Variants in ZMYND11 observed in about 807,000 individuals in gnomAD.
The protein encoded by ZMYND11 is zinc finger MYND-type containing 11.
ZMYND11 carries 9 observed loss-of-function variants against 84.9 expected under a neutral mutation model. The ratio of observed to expected loss-of-function variants is 0.11; its 90% CI spans 0.06 to 0.18. The LOEUF is 0.18. ZMYND11 is among the 10% of genes least tolerant of loss of function. ZMYND11 has a pLI of 1.00. For missense variants in ZMYND11, 409 were observed against 761.0 expected, an observed-to-expected ratio of 0.54 and a Z score of 5.44; for synonymous variants, 250 against 244.1, an observed-to-expected ratio of 1.02 and a Z score of -0.23.
chr10:206,138 T>A (rs1458146098), intron 2 of ZMYND11, among the ~76,000 whole-genome samples: 1 of 151,866 alleles, frequency 6.6e-6, no homozygotes, highest in Non-Finnish European at 1.5e-5. Flanking sequence ...GGCGGGTGGA[T>A]CACCTGAGGT....
At chr10:249,265 C>T (rs1024148820) in intron 14 of ZMYND11, 177 bp downstream of exon 14, 1 of 1,442,700 alleles carries the variant, frequency 6.9e-7, no homozygotes, top group African/African-American at 1.4e-5. Context: ...CTCTCAACCC[C>T]AGATCCCATA....
chr10:137,089 C>A (rs1554752465), intron 1 of ZMYND11, among the ~76,000 whole-genome samples: 1 of 151,918 alleles, frequency 6.6e-6, no homozygotes, highest in East Asian at 1.9e-4. Context: ...TATATGGTAC[C>A]CAATGTCATA....
At chr10:135,166 C>G (rs1424130972), upstream of ZMYND11, 2 of 150,698 alleles carry the variant, frequency 1.3e-5, no homozygotes, top group African/African-American at 2.4e-5. This position sits in a 1 kb window ranked among gnomAD's most constrained non-coding sequence, Gnocchi z 5.6. Flanking sequence ...GCCGCCCGCT[C>G]CGGCCCCGCA....
intron 4 of ZMYND11, among the ~76,000 whole-genome samples, chr10:228,038 G>A (rs1948423058): frequency 6.6e-6 from 1 of 152,140 alleles, no homozygotes; most frequent in South Asian, 2.1e-4. Flanking sequence ...GAAAGATTGT[G>A]TCTGAGCCAC....
intron 14 of ZMYND11, among the ~76,000 whole-genome samples, chr10:250,782 A>G (rs1167491870): frequency 6.6e-6 from 1 of 152,180 alleles, no homozygotes; most frequent in East Asian, 1.9e-4. Flanking sequence ...CACACCTGTA[A>G]TTCCAGCACT....
At chr10:147,343 G>A (rs540698050) in intron 1 of ZMYND11, among the ~76,000 whole-genome samples, 23 of 152,178 alleles carry the variant, frequency 1.5e-4, no homozygotes, top group African/African-American at 4.6e-4. Flanking sequence ...TAGGGGGAAT[G>A]CTTTCAACTT....
chr10:178,063 A>T (rs1847052793), intron 1 of ZMYND11, among the ~76,000 whole-genome samples: 1 of 152,140 alleles, frequency 6.6e-6, no homozygotes, highest in Non-Finnish European at 1.5e-5. Flanking sequence ...TTTCCTACAT[A>T]TTTACCATTT....
chr10:147,094 T>C (rs1189942652), intron 1 of ZMYND11, among the ~76,000 whole-genome samples: 3 of 152,270 alleles, frequency 2.0e-5, no homozygotes, highest in Non-Finnish European at 4.4e-5. Context: ...TTGTGTACAT[T>C]GATTCTGTAG....
chr10:236,990 T>A, intron 5 of ZMYND11, 75 bp downstream of exon 5: 2 of 1,406,786 alleles, frequency 1.4e-6, no homozygotes, highest in Non-Finnish European at 2.0e-6. Context: ...CAAAGTTGAA[T>A]GATCGAGAAG....
Position 237,630 on chromosome 10 carries a change from T to C in ZMYND11, c.562T>C (p.Tyr188His). Residue 188 changes from tyrosine to histidine, a missense_variant, in exon 6 of 15, where the codon TAC (tyrosine) becomes CAC (histidine). Physicochemically the swap from Tyr to His is moderately conservative, Grantham distance 83. Coordinates refer to ENST00000381604, the MANE Select transcript of ZMYND11 (RefSeq NM_001370100.5). ...GGGGAAGGACAATAAACACCCGATG[T>C]ACAGGAGGCTGGTGCACTCAGCTGT... ...KKGKDNKHPM[Y>H]RRLVHSAVDV... The C allele has an allele frequency of 6.2e-7, 1 of 1,613,806 alleles. No individual in the cohort carries two copies.
chr10:180,294 C>T (rs577200941), intron 2 of ZMYND11, among the ~76,000 whole-genome samples, 166 bp downstream of exon 2: 2 of 152,284 alleles, frequency 1.3e-5, no homozygotes, highest in South Asian at 4.1e-4. Flanking sequence ...CAGAAACATA[C>T]ACAAACAACT....
chr10:146,279 C>T (rs1167121610), intron 1 of ZMYND11, among the ~76,000 whole-genome samples: 1 of 152,068 alleles, frequency 6.6e-6, no homozygotes, highest in Non-Finnish European at 1.5e-5. Flanking sequence ...CTTACTATAG[C>T]CTTGTAGTAT....
intron 1 of ZMYND11, among the ~76,000 whole-genome samples, chr10:173,033 C>T (rs1220559065): frequency 1.4e-5 from 2 of 146,608 alleles, no homozygotes; most frequent in African/African-American, 2.5e-5. Flanking sequence ...CATCCACTTT[C>T]AGAAAAAAAA....
intron 1 of ZMYND11, among the ~76,000 whole-genome samples, chr10:151,135 C>T (rs1554756894): frequency 2.0e-5 from 3 of 152,134 alleles, no homozygotes; most frequent in Admixed American, 6.5e-5. Context: ...AGCAGAAAAG[C>T]TCAAAATTCT....
At position 139,646 on chromosome 10, in the gene ZMYND11, C is replaced by T. The variant is rs187781133; in HGVS notation, c.-20+4087C>T. Among the ~76,000 whole-genome samples the T allele has an allele frequency of 1.6e-4, 24 of 150,764 alleles. No homozygotes were observed. The East Asian group carries it at 4.7e-3, about 29-fold the overall frequency. On this transcript the variant is annotated intron_variant, in intron 1 of 14. Transcript: ENST00000381604. ...CATGTATTGTCTGTCTACTGTATAT[C>T]AGCCACTGTGCAAAGTTACTTACAC... is the stretch of plus-strand genomic sequence containing the variant.
At chr10:237,004 C>G in intron 5 of ZMYND11, 89 bp downstream of exon 5, 29 of 1,221,760 alleles carry the variant, frequency 2.4e-5, no homozygotes, top group Non-Finnish European at 3.2e-5. Context: ...CGAGAAGTAA[C>G]AAATATGTAC....
At chr10:240,206 C>CAA (rs1950638888) in intron 8 of ZMYND11, 95 bp downstream of exon 8, 1 of 1,129,758 alleles carries the variant, frequency 8.9e-7, no homozygotes, top group Non-Finnish European at 1.2e-6. Flanking sequence ...TGTGCCATTT[C>CAA]CTTTAAATGT....
At chr10:241,549 T>TA (rs1413210316) in intron 9 of ZMYND11, among the ~76,000 whole-genome samples, 1 of 152,264 alleles carries the variant, frequency 6.6e-6, no homozygotes, top group Non-Finnish European at 1.5e-5. Flanking sequence ...GGCTTTGCCT[T>TA]TGTCTGTAGC....
At chr10:236,024 C>T (rs1374500471) in intron 4 of ZMYND11, among the ~76,000 whole-genome samples, 1 of 152,152 alleles carries the variant, frequency 6.6e-6, no homozygotes, top group African/African-American at 2.4e-5. Context: ...TACCATTGGG[C>T]AGAGAATCAT....
Sources: gnomAD v4.1 joint callset for allele counts (sites outside exome capture counted in the v4.1 genomes callset) on GRCh38, gnomAD v4.1.1 for gene constraint, Gnocchi (gnomAD v3.1) non-coding constraint, MANE v1.5 for transcripts, NCBI Gene and HGNC (gene_info 2026-07-23, HGNC 2026-07-21) for gene names.